The following DGCR2 variants were observed in gnomAD, a reference collection of about 807,000 sequenced individuals.
DGCR2 encodes the protein integral membrane protein DGCR2/IDD.
In DGCR2, 24 loss-of-function variants were observed where a neutral mutation model predicts 51.6. The ratio of observed to expected loss-of-function variants is 0.47; its 90% CI spans 0.34 to 0.65. The LOEUF (loss-of-function observed/expected upper bound fraction) is 0.65, where lower values mean the gene tolerates loss of function less well. Among genes scored for constraint, DGCR2 ranks in the 30% least tolerant of loss-of-function variants. The probability of loss-of-function intolerance (pLI) is 0.01; values close to 1 mark genes in which losing one functional copy is unlikely to be tolerated. For missense variants in DGCR2, 765 were observed against 772.1 expected (o/e 0.99, Z 0.11); for synonymous variants, 340 against 315.4 (o/e 1.08, Z -0.82).
intron 1 of DGCR2, 155 bp downstream of exon 1, chr22:19,121,973 G>T (rs2083438564): frequency 2.8e-6 from 1 of 352,384 alleles, no homozygotes; most frequent in East Asian, 5.7e-5. Flanking sequence ...GCAGGCGTCC[G>T]CAGAGAGTGC....
chr22:19,070,421 C>T (rs2082801528), intron 2 of DGCR2, among the ~76,000 whole-genome samples: 1 of 152,310 alleles, frequency 6.6e-6, no homozygotes. Flanking sequence ...TCCCTCTGCT[C>T]AAATGGGCAA....
rs560994713 is a variant in DGCR2 at position 19,097,484 on chromosome 22, G to A, written c.80-7994C>T. On this transcript the variant is annotated intron_variant, in intron 1 of 9. Transcript: ENST00000263196. The stretch of plus-strand genomic sequence containing the variant: ...AGAGAACTGCTCGAATCCGGGAGGC[G>A]GAAGCTGCAGTAAGCTGAGATTGCA... 3.9e-5 allele frequency among the ~76,000 whole-genome samples: 6 copies of A among 152,148 alleles called. 1 individual carries two copies. In the East Asian group the frequency reaches 9.7e-4, roughly 25 times the overall value.
rs114512801 is a variant in DGCR2 at position 19,055,495 on chromosome 22, T to C, written c.802+1491A>G. ...TTCTAATCATCACTGTCCTGGAGAC[T>C]GTAGCAAGAAGAGTTGACTGGGCAA... On this transcript the variant is annotated intron_variant, in intron 6 of 9. Transcript: ENST00000263196. Among the ~76,000 whole-genome samples, 1,157 of 152,272 alleles carry C rather than the reference T, an allele frequency of 7.6e-3. 17 individuals carry two copies. Among genetic ancestry groups the C allele is most frequent in the African/African-American group, 0.026 (1,096 of 41,546 alleles).
chr22:19,091,999 A>C (rs1248468269), intron 1 of DGCR2, among the ~76,000 whole-genome samples: 2 of 152,152 alleles, frequency 1.3e-5, no homozygotes, highest in Admixed American at 1.3e-4. Context: ...TTTTTTTGAG[A>C]TCAGTAATAT....
At chr22:19,093,604 G>C (rs1386940382) in intron 1 of DGCR2, among the ~76,000 whole-genome samples, 1 of 151,926 alleles carries the variant, frequency 6.6e-6, no homozygotes, top group Non-Finnish European at 1.5e-5. Flanking sequence ...CACACACAGA[G>C]AGAAAACATT....
chr22:19,119,845 C>T (rs1297918998), intron 1 of DGCR2, among the ~76,000 whole-genome samples: 1 of 152,046 alleles, frequency 6.6e-6, no homozygotes, highest in East Asian at 1.9e-4. Flanking sequence ...AGAGGAAGCC[C>T]AGGTGGCTTG....
At chr22:19,074,465 G>A (rs966529747) in intron 2 of DGCR2, among the ~76,000 whole-genome samples, 5 of 151,186 alleles carry the variant, frequency 3.3e-5, no homozygotes, top group Admixed American at 1.3e-4. Flanking sequence ...AAAAGGAAAC[G>A]GAGTGCTCCT....
chr22:19,111,851 TA>T (rs758620766), intron 1 of DGCR2, among the ~76,000 whole-genome samples: 35,861 of 138,496 alleles, frequency 0.26, 4,548 homozygotes, highest in African/African-American at 0.37. Context: ...TTTTATTTTT[TA>T]TTTATTTATT....
At chr22:19,111,901 G>T (rs1445286748) in intron 1 of DGCR2, among the ~76,000 whole-genome samples, 1 of 147,146 alleles carries the variant, frequency 6.8e-6, no homozygotes, top group Admixed American at 6.8e-5. Flanking sequence ...CTTAAAAAGT[G>T]ATTTACCAAG....
At chr22:19,041,774 G>A (rs1481118665) in intron 8 of DGCR2, 33 bp downstream of exon 8, 1 of 1,600,930 alleles carries the variant, frequency 6.2e-7, no homozygotes, top group East Asian at 2.2e-5. Context: ...GTGGGGATGG[G>A]GACCAGGGTT....
intron 7 of DGCR2, among the ~76,000 whole-genome samples, chr22:19,042,498 G>A (rs1490777840): frequency 2.0e-5 from 3 of 152,264 alleles, no homozygotes; most frequent in Non-Finnish European, 2.9e-5. Flanking sequence ...CCTGGTAGGA[G>A]GCCAGGGTTG....
chr22:19,048,393 G>A, intron 7 of DGCR2, 47 bp downstream of exon 7: 1 of 1,604,006 alleles, frequency 6.2e-7, no homozygotes, highest in Non-Finnish European at 8.5e-7. Flanking sequence ...CCAGCCTCCA[G>A]CCCCAAATAG....
rs1337524507 is a variant in DGCR2 at position 19,089,469 on chromosome 22, T to C, written c.101A>G (p.Gln34Arg). The C allele has an allele frequency of 1.3e-5, 20 of 1,597,184 alleles. No individual in the cohort carries two copies. Among genetic ancestry groups the C allele is most frequent in the Non-Finnish European group, 1.7e-5 (20 of 1,170,512 alleles). ...GATGGTGCCGCTGCGACACGCAAACTGCCCAGGGTTGCACCGCAGCTCTGT... is the reference window on the plus strand; with the variant it reads ...GATGGTGCCGCTGCGACACGCAAACCGCCCAGGGTTGCACCGCAGCTCTGT... ...LRPELRCNPG[Q>R]FACRSGTIQC... The change falls in exon 2 of 10, where the codon CAG becomes CGG. Residue 34 changes from glutamine to arginine, a missense_variant. Around this residue, in one of 3 missense-constraint regions of DGCR2, gnomAD observed 370 missense variants for 325.5 expected, o/e 1.14. Transcript: ENST00000263196.
chr22:19,109,217 A>G (rs896426817), intron 1 of DGCR2, among the ~76,000 whole-genome samples: 2 of 152,208 alleles, frequency 1.3e-5, no homozygotes, highest in African/African-American at 4.8e-5. Context: ...TACAGTCACT[A>G]TGGAAGACAG....
chr22:19,116,521 T>C (rs879797678), intron 1 of DGCR2, among the ~76,000 whole-genome samples: 2 of 152,112 alleles, frequency 1.3e-5, no homozygotes, highest in Non-Finnish European at 2.9e-5. Context: ...GGCCCAAAAC[T>C]GGTCTCTCGG....
At chr22:19,046,209 T>A (rs574350136) in intron 7 of DGCR2, 2 of 151,116 alleles carry the variant, frequency 1.3e-5, no homozygotes, top group South Asian at 4.2e-4. Flanking sequence ...GGTTTTACAG[T>A]TTGCAGCAAA....
At chr22:19,078,700 C>T (rs538819264) in intron 2 of DGCR2, among the ~76,000 whole-genome samples, 96 of 152,332 alleles carry the variant, frequency 6.3e-4, no homozygotes, top group African/African-American at 2.2e-3. Context: ...TTTGCTGAGA[C>T]ATCCTTGCAT....
At chr22:19,088,011 A>G (rs1455446628) in intron 2 of DGCR2, among the ~76,000 whole-genome samples, 1 of 152,118 alleles carries the variant, frequency 6.6e-6, no homozygotes, top group Non-Finnish European at 1.5e-5. Flanking sequence ...AGGCAAATAC[A>G]ATCTGACCAG....
intron 6 of DGCR2, among the ~76,000 whole-genome samples, chr22:19,049,093 A>G (rs988537686): frequency 6.6e-6 from 1 of 152,356 alleles, no homozygotes; most frequent in Non-Finnish European, 1.5e-5. Context: ...GCCAGGATGG[A>G]GCACAATGCC....
Sources: gnomAD v4.1 joint callset for allele counts (sites outside exome capture counted in the v4.1 genomes callset) on GRCh38, gnomAD v4.1.1 for gene constraint, gnomAD v4.1.1 regional missense constraint, MANE v1.5 for transcripts, NCBI Gene and HGNC (gene_info 2026-07-23, HGNC 2026-07-21) for gene names.